The following PRR14L variants were observed in gnomAD, a reference collection of about 807,000 sequenced individuals.
PRR14L encodes the protein protein PRR14L.
In PRR14L, 80 loss-of-function variants were observed where a neutral mutation model predicts 155.0. That is an observed-to-expected ratio of 0.52 (90% CI 0.43 to 0.62). The LOEUF (loss-of-function observed/expected upper bound fraction) is 0.62, where lower values mean the gene tolerates loss of function less well. Among genes scored for constraint, PRR14L ranks in the 20% least tolerant of loss-of-function variants. The pLI is 0.00. For synonymous variants in PRR14L, 883 were observed against 916.0 expected (o/e 0.96, Z 0.65); for missense variants, 2,469 against 2,548.0 (o/e 0.97, Z 0.67).
At chr22:31,707,967 T>C (rs1164772059) in intron 4 of PRR14L, among the ~76,000 whole-genome samples, 1 of 152,016 alleles carries the variant, frequency 6.6e-6, no homozygotes, top group Non-Finnish European at 1.5e-5. Flanking sequence ...CTGACCAACA[T>C]GCAGAAATCC....
chr22:31,701,505 T>C (rs1253205563), intron 7 of PRR14L, 151 bp downstream of exon 7: 6 of 551,046 alleles, frequency 1.1e-5, no homozygotes, highest in African/African-American at 5.7e-5. Context: ...TGCTTATAAA[T>C]ATCTAGCGAC....
At position 31,738,725 on chromosome 22, in the gene PRR14L, G is replaced by C. The variant is rs1018663187; in HGVS notation, c.136C>G (p.Pro46Ala). The C allele has an allele frequency of 1.9e-6, 3 of 1,551,874 alleles. No individual in the cohort carries two copies. Among genetic ancestry groups the C allele is most frequent in the Non-Finnish European group, 2.6e-6 (3 of 1,147,042 alleles). ...CTTGAGGCTCCAGGTTTTACATCTGGAATCACACTTGGCTCAGGGTCAGCA... is the reference window on the plus strand; with the variant it reads ...CTTGAGGCTCCAGGTTTTACATCTGCAATCACACTTGGCTCAGGGTCAGCA... ...LHADPEPSVI[P>A]DVKPGASSSL... Residue 46 changes from proline (P) to alanine (A), a missense_variant, in exon 2 of 9, where the codon CCA (proline) becomes GCA (alanine). Transcript: ENST00000327423.
chr22:31,735,342 G>A (rs2074773176), intron 2 of PRR14L, among the ~76,000 whole-genome samples: 1 of 152,092 alleles, frequency 6.6e-6, no homozygotes, highest in Admixed American at 6.5e-5. Context: ...TAGGGAGGCT[G>A]AGGCAGGAGA....
At chr22:31,732,755 G>C (rs1322454065) in intron 2 of PRR14L, among the ~76,000 whole-genome samples, 2 of 152,130 alleles carry the variant, frequency 1.3e-5, no homozygotes, top group Non-Finnish European at 2.9e-5. Context: ...CTGAAAACCT[G>C]CTGGTTTTGG....
chr22:31,685,619 G>T lies in PRR14L; in HGVS notation c.6364C>A (p.Arg2122=), dbSNP rs1307668028. The change falls in exon 9 of 9, where the codon CGA becomes AGA. Residue 2122 remains arginine, a synonymous_variant. Coordinates refer to ENST00000327423, the MANE Select transcript of PRR14L (RefSeq NM_173566.3). ...TGTATCAAAAGAGCATCCAGCTCTC[G>T]ACTCTGCACAGCTGCCTTCTGGGCC... ...TRAQKAAVQS[R]ELDALLIQKL... The T allele has an allele frequency of 6.4e-7, 1 of 1,551,558 alleles. No homozygotes were observed. Among genetic ancestry groups the T allele is most frequent in the Non-Finnish European group, 8.7e-7 (1 of 1,146,852 alleles).
At position 31,688,243 on chromosome 22, in the gene PRR14L, G is replaced by GA; in HGVS notation, c.6108-17dup. ...CTTCTTTAACCTGAAAAGAAATAAG[G>GA]AAAAAAATTCTTCAGGTTCTCTCTC... is the stretch of plus-strand genomic sequence containing the variant. On this transcript the variant is annotated splice_polypyrimidine_tract_variant and intron_variant, in intron 7 of 8. Transcript: ENST00000327423. The GA allele has an allele frequency of 3.2e-6, 5 of 1,558,648 alleles. No individual in the cohort carries two copies. Among genetic ancestry groups the GA allele is most frequent in the Non-Finnish European group, 4.3e-6 (5 of 1,157,092 alleles).
At chr22:31,748,721 T>C (rs1198639064) in intron 1 of PRR14L, among the ~76,000 whole-genome samples, 1 of 152,138 alleles carries the variant, frequency 6.6e-6, no homozygotes, top group Non-Finnish European at 1.5e-5. Flanking sequence ...AGAGGGCATC[T>C]CTAACCAGTC....
chr22:31,738,395 G>C lies in PRR14L; in HGVS notation c.466C>G (p.Pro156Ala), dbSNP rs541822814. ...HSTAAEEKTS[P>A]SQEDLLMQSS... Reference sequence around the variant, plus strand: ...GAGATTTCATTTCTTACCTGACTCGGGCTAGTCTTTTCTTCAGCAGCTGTG... The same window carrying C: ...GAGATTTCATTTCTTACCTGACTCGCGCTAGTCTTTTCTTCAGCAGCTGTG... The change falls in exon 2 of 9, where the codon CCG (proline) becomes GCG (alanine). Residue 156 changes from proline (P) to alanine (A), a missense_variant. By Grantham distance (27) the Pro-to-Ala change is conservative. Around this residue, in one of 2 missense-constraint regions of PRR14L, gnomAD observed 2,363 missense variants for 2,371.6 expected, o/e 1.00. Coordinates refer to ENST00000327423, the MANE Select transcript of PRR14L (RefSeq NM_173566.3). 285 of 1,551,780 alleles carry C rather than the reference G, an allele frequency of 1.8e-4. 1 individual carries two copies. In the African/African-American group the frequency reaches 3.5e-3, roughly 19 times the overall value.
intron 1 of PRR14L, among the ~76,000 whole-genome samples, chr22:31,746,790 GCAGTCTTTTTTTTTTTTTT>G (rs1265754554): frequency 6.7e-6 from 1 of 149,220 alleles, no homozygotes; most frequent in Non-Finnish European, 1.5e-5. Context: ...ACTTCTCCCA[GCAGTCTTTTTTTTTTTTTT>G]TTTTTGAGAC....
chr22:31,716,079 A>G lies in PRR14L; in HGVS notation c.1760T>C (p.Val587Ala). The change falls in exon 4 of 9, where the codon GTA becomes GCA. Residue 587 changes from valine to alanine, a missense_variant. This residue lies in a region of PRR14L where 2,363 missense variants were observed against 2,371.6 expected (regional missense o/e 1.00). Coordinates refer to ENST00000327423, the MANE Select transcript of PRR14L (RefSeq NM_173566.3). ...AGCAGTACCTTGCTTGGGTTTTAAT[A>G]CCTCACTTACAGGACTTATTTGATC... Reference protein sequence around the residue: ...PEDQISPVSEVLKPKQGTALL... With the variant: ...PEDQISPVSEALKPKQGTALL... 6.4e-7 allele frequency: 1 copy of G among 1,550,922 alleles called. No homozygotes were observed. The highest frequency in any genetic ancestry group is 8.7e-7 in the Non-Finnish European group (1 of 1,146,934).
In PRR14L at chr22:31,713,464, C is replaced by T; in HGVS notation, c.4375G>A (p.Ala1459Thr). The T allele has an allele frequency of 6.4e-7, 1 of 1,551,928 alleles. No individual in the cohort carries two copies. Among genetic ancestry groups the T allele is most frequent in the Non-Finnish European group, 8.7e-7 (1 of 1,147,038 alleles). ...LAKLAKDSIV[A>T]QTQKLEDQKE... is the part of the protein sequence containing the mutation. The stretch of plus-strand genomic sequence containing the variant: ...TGGTCTTCTAACTTCTGAGTCTGTG[C>T]CACAATGCTGTCCTTGGCCAGCTTT... The change falls in exon 4 of 9, where the codon GCA becomes ACA. Residue 1459 changes from alanine (A) to threonine (T), a missense_variant. Coordinates refer to ENST00000327423, the MANE Select transcript of PRR14L (RefSeq NM_173566.3).
At chr22:31,722,306 C>T (rs1471761506) in intron 3 of PRR14L, among the ~76,000 whole-genome samples, 1 of 151,616 alleles carries the variant, frequency 6.6e-6, no homozygotes, top group Admixed American at 6.6e-5. Context: ...GTGGCACGTG[C>T]CTGTAGTCCC....
intron 1 of PRR14L, among the ~76,000 whole-genome samples, chr22:31,749,428 T>C (rs374888674): frequency 1.0e-3 from 153 of 152,286 alleles, no homozygotes; most frequent in African/African-American, 3.3e-3. Context: ...CTCCGTATCT[T>C]GGGGTACAGG....
intron 1 of PRR14L, among the ~76,000 whole-genome samples, chr22:31,746,705 T>G (rs2147880072): frequency 6.6e-6 from 1 of 152,310 alleles, no homozygotes; most frequent in African/African-American, 2.4e-5. Context: ...ATGAAAATTA[T>G]TATTCCAGTA....
At position 31,749,996 on chromosome 22, in the gene PRR14L, G is replaced by T; in HGVS notation, c.-55C>A. ...CCTTCCAGTCCCGGCCTCTTACCCT[G>T]AGACCTCCTCCGCGGCCCGCGCTTG... On this transcript the variant is annotated 5_prime_UTR_variant, in exon 1 of 9. Coordinates refer to ENST00000327423, the MANE Select transcript of PRR14L (RefSeq NM_173566.3). 1 of 153,488 alleles carries T rather than the reference G, an allele frequency of 6.5e-6. No homozygotes were observed. Among genetic ancestry groups the T allele is most frequent in the Non-Finnish European group, 1.4e-5 (1 of 69,020 alleles). 9.5% of individuals were successfully genotyped at this position (153,488 alleles called of 1,614,324 possible).
chr22:31,687,545 G>T (rs1313622524), intron 8 of PRR14L, among the ~76,000 whole-genome samples: 1 of 150,018 alleles, frequency 6.7e-6, no homozygotes, highest in Non-Finnish European at 1.5e-5. Flanking sequence ...AGTAGAGACA[G>T]GGTTCACCAT....
intron 7 of PRR14L, among the ~76,000 whole-genome samples, chr22:31,690,221 C>G (rs930176749): frequency 5.3e-5 from 8 of 151,576 alleles, no homozygotes; most frequent in Admixed American, 4.6e-4. Flanking sequence ...CCAGCTGTAA[C>G]TTTCTGTAGT....
At chr22:31,739,181 T>C (rs1398641125) in intron 1 of PRR14L, among the ~76,000 whole-genome samples, 1 of 152,190 alleles carries the variant, frequency 6.6e-6, no homozygotes, top group Non-Finnish European at 1.5e-5. Context: ...GGCCTGCCAA[T>C]GTAGAAGAGA....
chr22:31,737,208 C>T (rs9621326), intron 2 of PRR14L, among the ~76,000 whole-genome samples: 7 of 151,146 alleles, frequency 4.6e-5, no homozygotes, highest in Admixed American at 2.6e-4. Flanking sequence ...CAGCAGGGTA[C>T]GGTGGCTCAC....
Sources: gnomAD v4.1 joint callset for allele counts (sites outside exome capture counted in the v4.1 genomes callset) on GRCh38, gnomAD v4.1.1 for gene constraint, gnomAD v4.1.1 regional missense constraint, MANE v1.5 for transcripts, NCBI Gene and HGNC (gene_info 2026-07-23, HGNC 2026-07-21) for gene names.